Variants in INTS7 observed in about 807,000 individuals in gnomAD.
The protein encoded by INTS7 is integrator complex subunit 7.
Under a neutral mutation model 109.2 loss-of-function variants are expected in INTS7, and 46 were observed. The ratio of observed to expected loss-of-function variants is 0.42; its 90% CI spans 0.33 to 0.54. The LOEUF (loss-of-function observed/expected upper bound fraction) is 0.54, where lower values mean the gene tolerates loss of function less well. INTS7 is among the 20% of genes least tolerant of loss of function. INTS7 has a pLI of 0.07. For missense variants in INTS7, 929 were observed against 1,132.4 expected, an observed-to-expected ratio of 0.82 and a Z score of 2.58; for synonymous variants, 412 against 402.9, an observed-to-expected ratio of 1.02 and a Z score of -0.27.
At chr1:212,016,250 T>C (rs1386734074) in intron 4 of INTS7, among the ~76,000 whole-genome samples, 2 of 152,230 alleles carry the variant, frequency 1.3e-5, no homozygotes, top group African/African-American at 4.8e-5. Flanking sequence ...GGGATGTACT[T>C]GTTTAAGGCT....
chr1:211,940,788 C>T lies in INTS7; in HGVS notation c.*1036G>A, dbSNP rs771514617. 6.6e-6 allele frequency: 1 copy of T among 152,166 alleles called. No homozygotes were observed. Among genetic ancestry groups the T allele is most frequent in the South Asian group, 2.1e-4 (1 of 4,830 alleles). 9.4% of individuals were successfully genotyped at this position (152,166 alleles called of 1,614,324 possible). A position where few individuals can be genotyped will look rare whatever the true frequency, so the allele number is the denominator to read the frequency against. ...AAGTATAAACCAAACCAATCACCAA[C>T]CAAAGGAAAAGATCCACCCCTTCTA... On this transcript the variant is annotated 3_prime_UTR_variant, in exon 20 of 20. Coordinates refer to ENST00000366994, the MANE Select transcript of INTS7 (RefSeq NM_015434.4).
chr1:211,961,498 T>C (rs1663631080), intron 16 of INTS7, among the ~76,000 whole-genome samples: 1 of 151,798 alleles, frequency 6.6e-6, no homozygotes, highest in African/African-American at 2.4e-5. Flanking sequence ...GGCATGATCT[T>C]GGCTCACTGC....
intron 10 of INTS7, among the ~76,000 whole-genome samples, chr1:211,978,800 C>T (rs969082503): frequency 6.6e-6 from 1 of 152,128 alleles, no homozygotes; most frequent in African/African-American, 2.4e-5. Flanking sequence ...GCTGAAGAGG[C>T]AAATATAGGC....
intron 17 of INTS7, among the ~76,000 whole-genome samples, chr1:211,947,973 G>A (rs1662915326): frequency 1.3e-5 from 2 of 152,144 alleles, no homozygotes; most frequent in Admixed American, 6.5e-5. Flanking sequence ...CTGAAGTTAG[G>A]CAAACTTCTC....
intron 18 of INTS7, among the ~76,000 whole-genome samples, chr1:211,945,852 T>TCTA (rs1662824701): frequency 6.6e-6 from 1 of 152,230 alleles, no homozygotes; most frequent in Non-Finnish European, 1.5e-5. Context: ...AAATACTAAT[T>TCTA]CTACTCACTG....
intron 16 of INTS7, among the ~76,000 whole-genome samples, chr1:211,955,987 T>G (rs1037229060): frequency 1.3e-5 from 2 of 152,272 alleles, no homozygotes; most frequent in African/African-American, 4.8e-5. Context: ...ATTCCATTTC[T>G]GGTGGTAGGC....
In INTS7 at chr1:211,959,528, G is replaced by A. The variant is rs2102399057; in HGVS notation, c.2184-6827C>T. Among the ~76,000 whole-genome samples the A allele has an allele frequency of 6.6e-6, 1 of 152,278 alleles. No individual in the cohort carries two copies. The highest frequency in any genetic ancestry group is 2.1e-4 in the South Asian group (1 of 4,826). On this transcript the variant is annotated intron_variant, in intron 16 of 19. Transcript: ENST00000366994. This position sits in a 1 kb window ranked among gnomAD's most constrained non-coding sequence, Gnocchi z 4.2. ...TACTGGCAGCTTTCCCTGGGCCCAT[G>A]GCCACCCTCGACATTGCTTTGCCTG...
intron 7 of INTS7, among the ~76,000 whole-genome samples, chr1:211,990,401 T>C (rs1665093640): frequency 6.6e-6 from 1 of 152,130 alleles, no homozygotes; most frequent in East Asian, 1.9e-4. Flanking sequence ...GAAAAAAAGA[T>C]GGGGCATACA....
At chr1:211,987,166 G>A (rs769443449) in intron 8 of INTS7, among the ~76,000 whole-genome samples, 31 of 151,920 alleles carry the variant, frequency 2.0e-4, no homozygotes, top group Non-Finnish European at 3.4e-4. Context: ...CCATGGTGGC[G>A]GGCGCCTGTA....
intron 5 of INTS7, among the ~76,000 whole-genome samples, chr1:212,008,516 T>C (rs1185089195): frequency 6.6e-5 from 10 of 152,170 alleles, no homozygotes; most frequent in Admixed American, 4.6e-4. Context: ...TCTATGTGTT[T>C]TCCCTGAGTG....
chr1:212,017,546 C>T (rs73072530), intron 3 of INTS7, among the ~76,000 whole-genome samples: 3,929 of 152,232 alleles, frequency 0.026, 163 homozygotes, highest in African/African-American at 0.086. Flanking sequence ...GAATCAACAA[C>T]GGTGCAGAAG....
chr1:212,000,576 G>A (rs564674514), intron 7 of INTS7, among the ~76,000 whole-genome samples: 11 of 152,142 alleles, frequency 7.2e-5, no homozygotes, highest in African/African-American at 2.7e-4. Context: ...CCTTAAAAAA[G>A]CATTTATTTG....
chr1:211,978,247 A>T, intron 11 of INTS7, 25 bp downstream of exon 11: 1 of 1,613,468 alleles, frequency 6.2e-7, no homozygotes, highest in Non-Finnish European at 8.5e-7. Flanking sequence ...AGTCATTCAA[A>T]GGAGATTCAA....
At chr1:211,998,312 C>G (rs987402290) in intron 7 of INTS7, among the ~76,000 whole-genome samples, 4 of 152,190 alleles carry the variant, frequency 2.6e-5, no homozygotes, top group Non-Finnish European at 5.9e-5. Flanking sequence ...GGGACTCACA[C>G]TATCTGATTC....
intron 7 of INTS7, among the ~76,000 whole-genome samples, chr1:212,006,068 G>A (rs1397445805): frequency 6.6e-6 from 1 of 151,970 alleles, no homozygotes; most frequent in African/African-American, 2.4e-5. Context: ...TATCGGTAAT[G>A]GGTAAACAAA....
chr1:211,969,156 G>A (rs1241554987), intron 13 of INTS7, among the ~76,000 whole-genome samples: 1 of 151,768 alleles, frequency 6.6e-6, no homozygotes, highest in Non-Finnish European at 1.5e-5. Context: ...GTTGTGGCGG[G>A]TGCCTGTAGT....
intron 10 of INTS7, among the ~76,000 whole-genome samples, chr1:211,978,860 A>T (rs924639948): frequency 6.6e-6 from 1 of 152,208 alleles, no homozygotes; most frequent in African/African-American, 2.4e-5. Flanking sequence ...ACTGCTTCTG[A>T]AGTGTGGCTT....
rs1217308468 is a variant in INTS7 at position 211,942,745 on chromosome 1, A to G, written c.2602-634T>C. Among the ~76,000 whole-genome samples the G allele has an allele frequency of 1.3e-5, 2 of 152,242 alleles. No homozygotes were observed. Among genetic ancestry groups the G allele is most frequent in the African/African-American group, 4.8e-5 (2 of 41,460 alleles). On this transcript the variant is annotated intron_variant, in intron 19 of 19. Transcript: ENST00000366994. The surrounding 1 kb of genome is among the most constrained non-coding windows in gnomAD (Gnocchi z 4.2). Reference sequence around the variant, plus strand: ...ACAATATGTTATAAAACACAGATTTATAGGCTCATTCATTTAGCCAGACAC... The same window carrying G: ...ACAATATGTTATAAAACACAGATTTGTAGGCTCATTCATTTAGCCAGACAC...
chr1:211,992,430 C>T (rs1223121680), intron 7 of INTS7, among the ~76,000 whole-genome samples: 1 of 152,130 alleles, frequency 6.6e-6, no homozygotes, highest in African/African-American at 2.4e-5. Context: ...CTGTTTCTGT[C>T]ATCTAGCACA....
Sources: gnomAD v4.1 joint callset for allele counts (sites outside exome capture counted in the v4.1 genomes callset) on GRCh38, gnomAD v4.1.1 for gene constraint, Gnocchi (gnomAD v3.1) non-coding constraint, MANE v1.5 for transcripts, NCBI Gene and HGNC (gene_info 2026-07-23, HGNC 2026-07-21) for gene names.